Variants in NRXN1 observed in about 807,000 individuals in gnomAD.
The protein encoded by NRXN1 is neurexin-1.
Under a neutral mutation model 150.9 loss-of-function variants are expected in NRXN1, and 39 were observed. That is an observed-to-expected ratio of 0.26 (90% CI 0.20 to 0.34). NRXN1 has a LOEUF of 0.34. NRXN1 is among the 10% of genes least tolerant of loss of function. The pLI is 1.00. For synonymous variants in NRXN1, 924 were observed against 757.0 expected, an observed-to-expected ratio of 1.22 and a Z score of -3.62; for missense variants, 1,815 against 1,949.9, an observed-to-expected ratio of 0.93 and a Z score of 1.30.
intron 5 of NRXN1, among the ~76,000 whole-genome samples, chr2:50,814,260 G>C (rs992244426): frequency 4.6e-5 from 7 of 152,014 alleles, no homozygotes; most frequent in Non-Finnish European, 8.8e-5. Flanking sequence ...TCCTCCCAAA[G>C]TGCTGGGATT....
rs141447774 is a variant in NRXN1, at chr2:49,982,812, T to A, written c.4129-39021A>T. Among the ~76,000 whole-genome samples the A allele has an allele frequency of 7.2e-5, 11 of 152,250 alleles. No homozygotes were observed. In the East Asian group the frequency reaches 2.1e-3, roughly 29 times the overall value. On this transcript the variant is annotated intron_variant, in intron 21 of 22. Coordinates refer to ENST00000401669, the MANE Select transcript of NRXN1 (RefSeq NM_001330078.2). ...AAATAACAATTTTCTTCCTTTGTAT[T>A]TTTTTCATAACATAAGTGACCATAA...
intron 18 of NRXN1, among the ~76,000 whole-genome samples, chr2:50,104,800 T>C (rs1300722587): frequency 1.3e-5 from 2 of 152,140 alleles, no homozygotes; most frequent in Admixed American, 6.6e-5. Flanking sequence ...AAGTCCAACA[T>C]GCTTACAAGA....
chr2:50,534,493 A>G (rs1167175007), intron 10 of NRXN1, among the ~76,000 whole-genome samples: 1 of 152,172 alleles, frequency 6.6e-6, no homozygotes, highest in Non-Finnish European at 1.5e-5. Context: ...AAATAATCAA[A>G]TTGCTGTTGC....
intron 13 of NRXN1, 29 bp downstream of exon 13, chr2:50,506,466 G>C (rs1558849738): frequency 6.3e-7 from 1 of 1,598,306 alleles, no homozygotes; most frequent in East Asian, 2.2e-5. Flanking sequence ...CGTTAGCATA[G>C]GAAAAGACAA....
intron 21 of NRXN1, among the ~76,000 whole-genome samples, chr2:49,944,954 T>G (rs1672628277): frequency 6.6e-6 from 1 of 152,198 alleles, no homozygotes; most frequent in African/African-American, 2.4e-5. Context: ...ATAACTAAAT[T>G]TTTAAGAAAG....
At chr2:50,748,438 ATTATG>A (rs1204764120) in intron 5 of NRXN1, among the ~76,000 whole-genome samples, 5 of 152,172 alleles carry the variant, frequency 3.3e-5, no homozygotes, top group Admixed American at 6.6e-5. Flanking sequence ...ATTATTGGCA[ATTATG>A]TTCTGTAATT....
intron 17 of NRXN1, among the ~76,000 whole-genome samples, chr2:50,278,067 C>CTT (rs548030464): frequency 1.7e-4 from 13 of 75,744 alleles, no homozygotes; most frequent in African/African-American, 3.4e-4. Context: ...TTCTCTCTCT[C>CTT]TTTTTTTTTT....
intron 5 of NRXN1, 106 bp from the exon 6 acceptor site, chr2:50,623,721 A>G: frequency 1.3e-6 from 1 of 745,256 alleles, no homozygotes; most frequent in South Asian, 1.8e-5. Flanking sequence ...AACCTGCTTA[A>G]TTAGATTTCA....
chr2:50,342,488 T>C (rs560928826), intron 17 of NRXN1, among the ~76,000 whole-genome samples: 1 of 152,328 alleles, frequency 6.6e-6, no homozygotes, highest in African/African-American at 2.4e-5. Flanking sequence ...GTAGAGAATA[T>C]TGTCAAAGGT....
chr2:50,793,251 A>C (rs532528647), intron 5 of NRXN1, among the ~76,000 whole-genome samples: 4 of 152,136 alleles, frequency 2.6e-5, no homozygotes, highest in Non-Finnish European at 4.4e-5. Flanking sequence ...TAATGGTATA[A>C]GTAAAACTGC....
At chr2:50,588,570 T>G (rs1163650594) in intron 8 of NRXN1, 3 of 152,206 alleles carry the variant, frequency 2.0e-5, no homozygotes, top group Non-Finnish European at 4.4e-5. Flanking sequence ...AGTTATAGTA[T>G]TTCTGTTCTA....
chr2:50,745,527 T>A (rs775150116), intron 5 of NRXN1, among the ~76,000 whole-genome samples: 2 of 151,980 alleles, frequency 1.3e-5, no homozygotes, highest in African/African-American at 2.4e-5. Flanking sequence ...GGTTAATAGA[T>A]GGTGGTGAGA....
intron 18 of NRXN1, among the ~76,000 whole-genome samples, chr2:50,184,970 G>A (rs1182330369): frequency 2.6e-5 from 4 of 152,046 alleles, no homozygotes; most frequent in African/African-American, 7.2e-5. Context: ...TTAGCGCCAC[G>A]TAGGTGGCCT....
chr2:50,653,749 C>T (rs1315746411), intron 5 of NRXN1, among the ~76,000 whole-genome samples: 8 of 151,958 alleles, frequency 5.3e-5, no homozygotes, highest in Non-Finnish European at 1.2e-4. Context: ...TTTACATAAG[C>T]ATACTGACCA....
intron 17 of NRXN1, among the ~76,000 whole-genome samples, chr2:50,322,142 T>A (rs546573299): frequency 1.4e-4 from 22 of 151,792 alleles, no homozygotes; most frequent in South Asian, 1.0e-3. Flanking sequence ...TCAAAGAAGG[T>A]TCCTGGAGAC....
intron 2 of NRXN1, among the ~76,000 whole-genome samples, chr2:51,026,798 T>C (rs985356915): frequency 6.6e-6 from 1 of 152,182 alleles, no homozygotes; most frequent in Non-Finnish European, 1.5e-5. Flanking sequence ...AATGACAAAA[T>C]TTTACTTAAA....
At chr2:50,224,952 CAG>C (rs1482494170) in intron 18 of NRXN1, among the ~76,000 whole-genome samples, 4 of 151,944 alleles carry the variant, frequency 2.6e-5, no homozygotes, top group African/African-American at 9.7e-5. Context: ...TACCTAGACT[CAG>C]AGAAATGATC....
rs1553513637 is a variant in NRXN1 at position 50,373,711 on chromosome 2, GAGAA to G, written c.3364+91727_3364+91730del. On this transcript the variant is annotated intron_variant, in intron 17 of 22. Coordinates refer to ENST00000401669, the MANE Select transcript of NRXN1 (RefSeq NM_001330078.2). ...AGAAGGAAAGAAAGAAAGAAAGAAA[GAGAA>G]AGAAAGACAGACAGACTAGTCACAT... Among the ~76,000 whole-genome samples the G allele has an allele frequency of 1.6e-4, 14 of 86,250 alleles. 1 individual carries two copies. The highest frequency in any genetic ancestry group is 2.9e-4 in the Non-Finnish European group (12 of 41,318). The allele number at this position is 86,250 out of a possible 152,430, so 56.6% of individuals were successfully genotyped here.
chr2:50,417,496 T>C (rs1478122867), intron 17 of NRXN1, among the ~76,000 whole-genome samples: 1 of 151,952 alleles, frequency 6.6e-6, no homozygotes, highest in Non-Finnish European at 1.5e-5. Context: ...AAAACCCTGA[T>C]ATTCTGCTTG....
Sources: gnomAD v4.1 joint callset for allele counts (sites outside exome capture counted in the v4.1 genomes callset) on GRCh38, gnomAD v4.1.1 for gene constraint, MANE v1.5 for transcripts, NCBI Gene and HGNC (gene_info 2026-07-23, HGNC 2026-07-21) for gene names.